The following LEO1 variants were observed in gnomAD, a reference collection of about 807,000 sequenced individuals.
LEO1 encodes LEO1 component of Paf1/RNA polymerase II complex, also known as RNA polymerase-associated protein LEO1.
A neutral mutation model predicts 80.4 loss-of-function variants in LEO1; 34 were observed. That is an observed-to-expected ratio of 0.42 (90% CI 0.32 to 0.56). The LOEUF is 0.56. LEO1 is among the 20% of genes least tolerant of loss of function. The probability of loss-of-function intolerance (pLI) is 0.10; values close to 1 mark genes in which losing one functional copy is unlikely to be tolerated. For synonymous variants in LEO1, 262 were observed against 274.9 expected (o/e 0.95, Z 0.46); for missense variants, 631 against 814.2 (o/e 0.77, Z 2.74).
chr15:51,940,255 A>T (rs1246532099), intron 11 of LEO1, among the ~76,000 whole-genome samples: 3 of 67,440 alleles, frequency 4.4e-5, no homozygotes, highest in Admixed American at 1.5e-4. Flanking sequence ...ACTCCGTATC[A>T]AAAAAAAAAA....
At chr15:51,957,757 A>G (rs1408411522) in intron 6 of LEO1, among the ~76,000 whole-genome samples, 1 of 152,204 alleles carries the variant, frequency 6.6e-6, no homozygotes, top group Non-Finnish European at 1.5e-5. Context: ...GCGGTGGCTC[A>G]CACCTGTAAT....
At chr15:51,963,415 A>G (rs2057047422) in intron 2 of LEO1, among the ~76,000 whole-genome samples, 3 of 152,224 alleles carry the variant, frequency 2.0e-5, no homozygotes. Flanking sequence ...CAAATATATC[A>G]TTATTTCTAG....
At position 51,949,906 on chromosome 15, in the gene LEO1, G is replaced by A. The variant is rs2056934282; in HGVS notation, c.1700C>T (p.Ala567Val). 1 of 1,614,014 alleles carries A rather than the reference G, an allele frequency of 6.2e-7. No homozygotes were observed. The highest frequency in any genetic ancestry group is 8.5e-7 in the Non-Finnish European group (1 of 1,180,008). ...GTATCGATCAGGTTCCAGGTAACTG[G>A]CGCTCAGCCCCCGCTGGTGCTGTTT... is the stretch of plus-strand genomic sequence containing the variant. ...REKQHQRGLSASYLEPDRYDE... is the reference protein window; with the variant it reads ...REKQHQRGLSVSYLEPDRYDE... Residue 567 changes from alanine to valine, a missense_variant, in exon 10 of 12, where the codon GCC becomes GTC. By Grantham distance (64) the Ala-to-Val change is moderately conservative. This residue lies in a region of LEO1 where 117 missense variants were observed against 163.5 expected (regional missense o/e 0.72). Transcript: ENST00000299601.
At chr15:51,949,306 A>G (rs1335567816) in intron 10 of LEO1, among the ~76,000 whole-genome samples, 2 of 152,212 alleles carry the variant, frequency 1.3e-5, no homozygotes, top group Admixed American at 6.5e-5. Flanking sequence ...CAGAAAGCAA[A>G]AGCTCAAGGG....
In LEO1 at chr15:51,965,613, A is replaced by T. The variant is rs192741771; in HGVS notation, c.814+136T>A. ...ATTTAAAAGAAGCAAAATGTATTCTAGAGTTAGAAAAGTTTGAAAGGGAGG... is the reference window on the plus strand; with the variant it reads ...ATTTAAAAGAAGCAAAATGTATTCTTGAGTTAGAAAAGTTTGAAAGGGAGG... On this transcript the variant is annotated intron_variant, in intron 2 of 11. Transcript: ENST00000299601. 6.0e-5 allele frequency: 71 copies of T among 1,174,814 alleles called. No individual in the cohort carries two copies. In the East Asian group the frequency reaches 1.7e-3, roughly 28 times the overall value. 72.8% of individuals were successfully genotyped at this position (1,174,814 alleles called of 1,614,324 possible).
intron 6 of LEO1, among the ~76,000 whole-genome samples, chr15:51,956,831 T>A (rs774705766): frequency 1.3e-5 from 2 of 152,124 alleles, no homozygotes; most frequent in Non-Finnish European, 2.9e-5. Context: ...TTTATAAATT[T>A]TTTTTTGGGG....
chr15:51,956,683 C>T (rs945115736), intron 6 of LEO1, among the ~76,000 whole-genome samples: 1 of 152,086 alleles, frequency 6.6e-6, no homozygotes, highest in African/African-American at 2.4e-5. Flanking sequence ...GACTGGTCAG[C>T]GTAGTCTTAA....
intron 1 of LEO1, among the ~76,000 whole-genome samples, chr15:51,971,480 C>G (rs1036009698): frequency 4.6e-5 from 7 of 152,244 alleles, no homozygotes; most frequent in African/African-American, 1.4e-4. Context: ...GTCTGCTCCA[C>G]CGACACCCAG....
chr15:51,962,261 A>G (rs2057036896), intron 3 of LEO1, 128 bp downstream of exon 3: 3 of 561,956 alleles, frequency 5.3e-6, no homozygotes, highest in Non-Finnish European at 6.2e-6. Flanking sequence ...GAGTACACTG[A>G]GCGTATCCAC....
Position 51,950,003 on chromosome 15 carries a change from A to C in LEO1, c.1612-9T>G. ...AAACGTTCTTCTTCTTTCTGTAAAG[A>C]AGCAAATAACCTCTTTAACCTAAAA... On this transcript the variant is annotated splice_polypyrimidine_tract_variant and intron_variant, in intron 9 of 11. Coordinates refer to ENST00000299601, the MANE Select transcript of LEO1 (RefSeq NM_138792.4). 6.2e-7 allele frequency: 1 copy of C among 1,606,028 alleles called. No homozygotes were observed. The highest frequency in any genetic ancestry group is 1.3e-5 in the African/African-American group (1 of 74,694).
At chr15:51,950,220 G>C (rs1486969313) in intron 9 of LEO1, among the ~76,000 whole-genome samples, 1 of 152,154 alleles carries the variant, frequency 6.6e-6, no homozygotes, top group Admixed American at 6.5e-5. Context: ...ACACTAACCG[G>C]CCCAACTGGC....
intron 11 of LEO1, chr15:51,947,074 A>G: frequency 1.9e-6 from 1 of 514,186 alleles, no homozygotes; most frequent in Admixed American, 3.6e-5. Context: ...ACCCAGCAAG[A>G]AGTCTTATCC....
chr15:51,941,469 T>C (rs2056852010), intron 11 of LEO1, among the ~76,000 whole-genome samples: 1 of 152,088 alleles, frequency 6.6e-6, no homozygotes, highest in Admixed American at 6.5e-5. Context: ...CTGCCTGACA[T>C]CACATTCTGA....
chr15:51,971,625 T>C (rs1473787492), intron 1 of LEO1, 63 bp downstream of exon 1: 1 of 1,545,080 alleles, frequency 6.5e-7, no homozygotes, highest in Non-Finnish European at 8.9e-7. Context: ...GCCTCCACGG[T>C]TGTCCGGCTC....
chr15:51,951,302 G>A (rs531869987), intron 9 of LEO1, among the ~76,000 whole-genome samples: 11 of 152,368 alleles, frequency 7.2e-5, no homozygotes, highest in African/African-American at 2.2e-4. Context: ...TAGCCAATAT[G>A]AGCACATGCT....
rs1919 is a variant in LEO1 at position 51,938,154 on chromosome 15, C to G, written c.*2G>C. On this transcript the variant is annotated 3_prime_UTR_variant, in exon 12 of 12. Coordinates refer to ENST00000299601, the MANE Select transcript of LEO1 (RefSeq NM_138792.4). Reference sequence around the variant, plus strand: ...ATATAAAATGTTTTCATATTTCATACTTCAATCATCATCTTCTTCCTCTTC... The same window carrying G: ...ATATAAAATGTTTTCATATTTCATAGTTCAATCATCATCTTCTTCCTCTTC... 7.0e-3 allele frequency: 10,370 copies of G among 1,484,738 alleles called. 66 individuals are homozygous for G. The highest frequency in any genetic ancestry group is 0.014 in the South Asian group (1,196 of 86,674). 92.0% of individuals were successfully genotyped at this position (1,484,738 alleles called of 1,614,324 possible).
At chr15:51,967,259 G>A (rs1310944500) in intron 1 of LEO1, among the ~76,000 whole-genome samples, 2 of 152,322 alleles carry the variant, frequency 1.3e-5, no homozygotes, top group African/African-American at 4.8e-5. Flanking sequence ...GATCACTTGA[G>A]GTCAGGAGTT....
rs201853098 is a variant in LEO1 at position 51,954,568 on chromosome 15, T to C, written c.1253A>G (p.Asn418Ser). Reference protein sequence around the residue: ...GRTRLKLKVENTIRWRIRRDE... With the variant: ...GRTRLKLKVESTIRWRIRRDE... ...TCGGCGTATCCTCCATCTTATAGTA[T>C]TTTCTACCTGTTTCACAACACAAGT... Residue 418 changes from asparagine (N) to serine (S), a missense_variant, in exon 7 of 12, where the codon AAT (asparagine) becomes AGT (serine). Physicochemically the swap from Asn to Ser is conservative, Grantham distance 46. Transcript: ENST00000299601. 6.2e-7 allele frequency: 1 copy of C among 1,605,562 alleles called. No individual in the cohort carries two copies. Among genetic ancestry groups the C allele is most frequent in the Non-Finnish European group, 8.5e-7 (1 of 1,172,438 alleles).
At chr15:51,942,898 G>A (rs1216492433) in intron 11 of LEO1, among the ~76,000 whole-genome samples, 1 of 148,414 alleles carries the variant, frequency 6.7e-6, no homozygotes, top group Non-Finnish European at 1.5e-5. Flanking sequence ...ATCCAGCCTG[G>A]GCAACAGAAT....
Sources: allele counts gnomAD v4.1 joint callset (sites outside exome capture counted in the v4.1 genomes callset), GRCh38; gene constraint gnomAD v4.1.1; regional missense constraint gnomAD v4.1.1; transcripts MANE v1.5; gene names NCBI Gene and HGNC (gene_info 2026-07-23, HGNC 2026-07-21).